HSBP1: variants seen among roughly 807,000 people sequenced by gnomAD.
The protein encoded by HSBP1 is heat shock factor binding protein 1.
In HSBP1, 5 loss-of-function variants were observed where a neutral mutation model predicts 9.6. That is an observed-to-expected ratio of 0.52 (90% confidence interval 0.27 to 1.09). The LOEUF is 1.09. HSBP1 is among the 50% of genes least tolerant of loss of function. The probability of loss-of-function intolerance (pLI) is 0.11; values close to 1 mark genes in which losing one functional copy is unlikely to be tolerated. For synonymous variants in HSBP1, 42 were observed against 33.3 expected, an observed-to-expected ratio of 1.26 and a Z score of -0.90; for missense variants, 121 against 96.3, an observed-to-expected ratio of 1.26 and a Z score of -1.07.
chr16:83,808,807 G>A (rs1463180707), intron 2 of HSBP1, 61 bp downstream of exon 2: 2 of 1,257,962 alleles, frequency 1.6e-6, no homozygotes, highest in African/African-American at 1.5e-5. Flanking sequence ...GCCGGGCAGT[G>A]GTGGGGATAA....
rs564442304 is a variant in HSBP1, at chr16:83,813,834, G to A, written c.*2416G>A. ...CCCCTAGTTCATCCTGCTTTCCTTT[G>A]AGCCACAGGATTTTAAAATATTTCA... On this transcript the variant is annotated 3_prime_UTR_variant, in exon 4 of 4. Coordinates refer to ENST00000433866, the MANE Select transcript of HSBP1 (RefSeq NM_001537.4). 6.6e-6 allele frequency: 1 copy of A among 152,194 alleles called. No homozygotes were observed. Among genetic ancestry groups the A allele is most frequent in the Non-Finnish European group, 1.5e-5 (1 of 68,004 alleles). The allele number at this position is 152,194 out of a possible 1,614,324, so 9.4% of individuals were successfully genotyped here.
At position 83,815,687 on chromosome 16, in the gene HSBP1, C is replaced by G. The variant is rs151241723; in HGVS notation, c.*4269C>G. ...GATGAAATGTAATATGTGGCTGTCT[C>G]ATCAACAGAGCTTCATTTTACCAAA... On this transcript the variant is annotated 3_prime_UTR_variant, in exon 4 of 4. Coordinates refer to ENST00000433866, the MANE Select transcript of HSBP1 (RefSeq NM_001537.4). The G allele has an allele frequency of 6.6e-6, 1 of 152,256 alleles. No individual in the cohort carries two copies. Among genetic ancestry groups the G allele is most frequent in the Non-Finnish European group, 1.5e-5 (1 of 68,032 alleles). The allele number at this position is 152,256 out of a possible 1,614,324, so 9.4% of individuals were successfully genotyped here. A position where few individuals can be genotyped will look rare whatever the true frequency, so the allele number is the denominator to read the frequency against.
rs750627383 is a variant in HSBP1, at chr16:83,809,285, G to C, written c.113-20G>C. On this transcript the variant is annotated intron_variant, in intron 2 of 3. Coordinates refer to ENST00000433866, the MANE Select transcript of HSBP1 (RefSeq NM_001537.4). ...AAGGCTCAATGAGATGTTGGCACGC[G>C]TTGTCTTTAACTTCAGCACTTGATG... The C allele has an allele frequency of 4.1e-6, 6 of 1,466,602 alleles. No homozygotes were observed. The highest frequency in any genetic ancestry group is 1.4e-5 in the African/African-American group (1 of 71,878). 90.8% of individuals were successfully genotyped at this position (1,466,602 alleles called of 1,614,324 possible). A position where few individuals can be genotyped will look rare whatever the true frequency, so the allele number is the denominator to read the frequency against.
rs544448610 is a variant in HSBP1 at position 83,808,504 on chromosome 16, C to G, written c.46-176C>G. 3.3e-3 allele frequency: 1,980 copies of G among 598,816 alleles called. 6 individuals are homozygous for G. Among genetic ancestry groups the G allele is most frequent in the Non-Finnish European group, 4.7e-3 (1,562 of 334,720 alleles). 37.1% of individuals were successfully genotyped at this position (598,816 alleles called of 1,614,324 possible). On this transcript the variant is annotated intron_variant, in intron 1 of 3. Transcript: ENST00000433866. ...GCAGCGGCCTCCCCAGCCCAGCAGT[C>G]TAATTGGACAGGTTGGAAAACGGAA...
At position 83,819,528 on chromosome 16, in the gene HSBP1, T is replaced by C. The variant is rs1904794619; in HGVS notation, c.*8110T>C. 6.6e-6 allele frequency: 1 copy of C among 152,202 alleles called. No individual in the cohort carries two copies. The highest frequency in any genetic ancestry group is 2.1e-4 in the South Asian group (1 of 4,830). The allele number at this position is 152,202 out of a possible 1,614,324, so 9.4% of individuals were successfully genotyped here. ...TGAAGAGCCCTGACGCCATGAAGACTTGAATCACTTTAAAGCAATTTGCTT... is the reference window on the plus strand; with the variant it reads ...TGAAGAGCCCTGACGCCATGAAGACCTGAATCACTTTAAAGCAATTTGCTT... On this transcript the variant is annotated 3_prime_UTR_variant, in exon 4 of 4. Transcript: ENST00000433866.
Position 83,814,643 on chromosome 16 carries a change from C to G in HSBP1, c.*3225C>G, listed in dbSNP as rs945638620. The G allele has an allele frequency of 2.0e-5, 3 of 152,244 alleles. No individual in the cohort carries two copies. Among genetic ancestry groups the G allele is most frequent in the Non-Finnish European group, 4.4e-5 (3 of 68,050 alleles). 9.4% of individuals were successfully genotyped at this position (152,244 alleles called of 1,614,324 possible). A position where few individuals can be genotyped will look rare whatever the true frequency, so the allele number is the denominator to read the frequency against. ...CTGGCTGGATCTCAAAATTTACTTT[C>G]AAAAGGCTGATGGAGTGTTTTCAAT... On this transcript the variant is annotated 3_prime_UTR_variant, in exon 4 of 4. Coordinates refer to ENST00000433866, the MANE Select transcript of HSBP1 (RefSeq NM_001537.4).
intron 3 of HSBP1, among the ~76,000 whole-genome samples, chr16:83,809,711 G>T (rs1904557062): frequency 6.6e-6 from 1 of 151,746 alleles, no homozygotes; most frequent in African/African-American, 2.4e-5. Context: ...TGAGTGATTT[G>T]CCCGCCTCAG....
chr16:83,811,971 T>C lies in HSBP1; in HGVS notation c.*553T>C, dbSNP rs369621789. 2 of 152,660 alleles carry C rather than the reference T, an allele frequency of 1.3e-5. No individual in the cohort carries two copies. The highest frequency in any genetic ancestry group is 4.8e-5 in the African/African-American group (2 of 41,454). 9.5% of individuals were successfully genotyped at this position (152,660 alleles called of 1,614,324 possible). ...TCTGTCACTGCTCTGTTGCCAAAAC[T>C]CAGAATAGAACTTAGACGTATGTCT... On this transcript the variant is annotated 3_prime_UTR_variant, in exon 4 of 4. Transcript: ENST00000433866.
chr16:83,809,688 C>G (rs1268173059), intron 3 of HSBP1, among the ~76,000 whole-genome samples: 4 of 151,894 alleles, frequency 2.6e-5, no homozygotes, highest in East Asian at 3.9e-4. Context: ...ATGCTGGTCT[C>G]GAATTCTGAC....
In HSBP1 at chr16:83,808,093, C is replaced by T. The variant is rs1904501990; in HGVS notation, c.17C>T (p.Pro6Leu). 6.5e-7 allele frequency: 1 copy of T among 1,547,452 alleles called. No homozygotes were observed. The highest frequency in any genetic ancestry group is 2.5e-5 in the East Asian group (1 of 40,170). The change falls in exon 1 of 4, where the codon CCC becomes CTC. Residue 6 changes from proline (P) to leucine (L), a missense_variant. By Grantham distance (98) the Pro-to-Leu change is moderately conservative. Transcript: ENST00000433866. Reference sequence around the variant, plus strand: ...ATCGGGGAGATGGCCGAGACTGACCCCAAGACCGTGCAGGACCTCACCTCG... The same window carrying T: ...ATCGGGGAGATGGCCGAGACTGACCTCAAGACCGTGCAGGACCTCACCTCG... MAETD[P>L]KTVQDLTSVV...
At chr16:83,809,462 C>CTTTTTTTTTTTTTTTTTTTTTT (rs34576085) in intron 3 of HSBP1, 37 bp downstream of exon 3, 6 of 408,414 alleles carry the variant, frequency 1.5e-5, no homozygotes, top group African/African-American at 3.5e-5. Context: ...CTTTTCTTTT[C>CTTTTTTTTTTTTTTTTTTTTTT]TTTTTTTTTT....
In HSBP1 at chr16:83,809,433, A is replaced by C. The variant is rs750431703; in HGVS notation, c.*2+8A>C. 7 of 1,266,460 alleles carry C rather than the reference A, an allele frequency of 5.5e-6. No individual in the cohort carries two copies. The highest frequency in any genetic ancestry group is 4.4e-6 in the Non-Finnish European group (4 of 909,242). The allele number at this position is 1,266,460 out of a possible 1,614,324, so 78.5% of individuals were successfully genotyped here. On this transcript the variant is annotated splice_region_variant and intron_variant, in intron 3 of 3. Transcript: ENST00000433866. ...CACGCAAAAGAGTTGAAGGTGAGGA[A>C]GGGGGCAATTTTTTTTTTCTTTTCT...
At chr16:83,808,869 G>C in intron 2 of HSBP1, 123 bp downstream of exon 2, 1 of 726,692 alleles carries the variant, frequency 1.4e-6, no homozygotes. Flanking sequence ...ATTTGAGCTT[G>C]GATTGTACTG....
rs74954111 is a variant in HSBP1, at chr16:83,815,032, T to C, written c.*3614T>C. 83,512 of 151,658 alleles carry C rather than the reference T, an allele frequency of 0.55. 23,917 individuals carry two copies. The highest frequency in any genetic ancestry group is 0.65 in the Non-Finnish European group (43,873 of 67,824). 9.4% of individuals were successfully genotyped at this position (151,658 alleles called of 1,614,324 possible). On this transcript the variant is annotated 3_prime_UTR_variant, in exon 4 of 4. Coordinates refer to ENST00000433866, the MANE Select transcript of HSBP1 (RefSeq NM_001537.4). Reference sequence around the variant, plus strand: ...GTTTTTTGTTTTGTGGTGTTTTTTTTTTATTGCAACGAAGACTTTTAAATG... The same window carrying C: ...GTTTTTTGTTTTGTGGTGTTTTTTTCTTATTGCAACGAAGACTTTTAAATG...
chr16:83,814,458 A>G lies in HSBP1; in HGVS notation c.*3040A>G, dbSNP rs1479061525. ...CCTGCACCGCTCACAAACACAGCTG[A>G]CCGTCTCACAGCTGCACACCTGCAC... On this transcript the variant is annotated 3_prime_UTR_variant, in exon 4 of 4. Transcript: ENST00000433866. 1 of 151,982 alleles carries G rather than the reference A, an allele frequency of 6.6e-6. No individual in the cohort carries two copies. Among genetic ancestry groups the G allele is most frequent in the Non-Finnish European group, 1.5e-5 (1 of 68,356 alleles). The allele number at this position is 151,982 out of a possible 1,614,324, so 9.4% of individuals were successfully genotyped here.
chr16:83,808,712 A>G lies in HSBP1; in HGVS notation c.78A>G (p.Lys26=). The G allele has an allele frequency of 1.2e-6, 2 of 1,612,874 alleles. No homozygotes were observed. The highest frequency in any genetic ancestry group is 1.7e-6 in the Non-Finnish European group (2 of 1,179,056). Residue 26 remains lysine, a synonymous_variant, in exon 2 of 4, where the codon AAA becomes AAG. Transcript: ENST00000433866. ...CACTCCTGCAGCAGATGCAAGATAAATTTCAGACCATGTCTGACCAGATCA... is the reference window on the plus strand; with the variant it reads ...CACTCCTGCAGCAGATGCAAGATAAGTTTCAGACCATGTCTGACCAGATCA... ...VQTLLQQMQD[K]FQTMSDQIIG... is the part of the protein sequence containing the mutation.
rs33122 is a variant in HSBP1 at position 83,818,997 on chromosome 16, C to T, written c.*7579C>T. The T allele has an allele frequency of 0.52, 78,905 of 151,732 alleles. 21,397 individuals carry two copies. The highest frequency in any genetic ancestry group is 0.61 in the Non-Finnish European group (41,178 of 67,898). The allele number at this position is 151,732 out of a possible 1,614,324, so 9.4% of individuals were successfully genotyped here. On this transcript the variant is annotated 3_prime_UTR_variant, in exon 4 of 4. Transcript: ENST00000433866. ...CAGGCCCTACCTAGCCCTACTGAATCAGAGACCCTGGGAGGGAGGTCCAGC... is the reference window on the plus strand; with the variant it reads ...CAGGCCCTACCTAGCCCTACTGAATTAGAGACCCTGGGAGGGAGGTCCAGC...
chr16:83,814,488 C>T lies in HSBP1; in HGVS notation c.*3070C>T, dbSNP rs962274675. ...CTCACAGCTGCACACCTGCACCGCT[C>T]ACGAGCACAGCTGACCGTCTCACAG... On this transcript the variant is annotated 3_prime_UTR_variant, in exon 4 of 4. Coordinates refer to ENST00000433866, the MANE Select transcript of HSBP1 (RefSeq NM_001537.4). 1 of 152,518 alleles carries T rather than the reference C, an allele frequency of 6.6e-6. No individual in the cohort carries two copies. The highest frequency in any genetic ancestry group is 1.5e-5 in the Non-Finnish European group (1 of 68,368). The allele number at this position is 152,518 out of a possible 1,614,324, so 9.4% of individuals were successfully genotyped here.
intron 1 of HSBP1, 86 bp from the exon 2 acceptor site, chr16:83,808,594 C>T (rs1904518982): frequency 3.8e-6 from 4 of 1,058,662 alleles, no homozygotes; most frequent in Non-Finnish European, 4.2e-6. Flanking sequence ...GGGGCTGGAA[C>T]CCCGGGACCA....
Sources: allele counts gnomAD v4.1 joint callset (sites outside exome capture counted in the v4.1 genomes callset), GRCh38; gene constraint gnomAD v4.1.1; transcripts MANE v1.5; gene names NCBI Gene and HGNC (gene_info 2026-07-23, HGNC 2026-07-21).